The following C3 variants were observed in gnomAD, a reference collection of about 807,000 sequenced individuals.
C3 encodes the protein C3 and PZP-like alpha-2-macroglobulin domain-containing protein 1.
Under a neutral mutation model 207.9 loss-of-function variants are expected in C3, and 97 were observed. The observed-to-expected ratio is 0.47, with a 90% CI of 0.40 to 0.55. The LOEUF (loss-of-function observed/expected upper bound fraction) is 0.55, where lower values mean the gene tolerates loss of function less well. C3 is among the 20% of genes least tolerant of loss of function. The pLI is 0.00. For missense variants in C3, 1,684 were observed against 2,171.7 expected (o/e 0.78, Z 4.46); for synonymous variants, 848 against 857.6 (o/e 0.99, Z 0.20).
chr19:6,694,589 C>A lies in C3; in HGVS notation c.2996G>T (p.Arg999Leu). The A allele has an allele frequency of 6.2e-7, 1 of 1,613,808 alleles. No individual in the cohort carries two copies. Among genetic ancestry groups the A allele is most frequent in the Non-Finnish European group, 8.5e-7 (1 of 1,179,952 alleles). ...GGGGGTCACAATGAGGTGCTTCAGC[C>A]GTTCCGCGTCGACGGCATCCTCTGT... is the stretch of plus-strand genomic sequence containing the variant. Reference protein sequence around the residue: ...QMTEDAVDAERLKHLIVTPSG... With the variant: ...QMTEDAVDAELLKHLIVTPSG... Residue 999 changes from arginine to leucine, a missense_variant, in exon 24 of 41, where the codon CGG becomes CTG. Coordinates refer to ENST00000245907, the MANE Select transcript of C3 (RefSeq NM_000064.4).
In C3 at chr19:6,712,559, G is replaced by A. The variant is rs779542513; in HGVS notation, c.1068C>T (p.His356=). 3.1e-6 allele frequency: 5 copies of A among 1,614,056 alleles called. No individual in the cohort carries two copies. The highest frequency in any genetic ancestry group is 3.4e-6 in the Non-Finnish European group (4 of 1,180,020). Residue 356 remains histidine (H), a synonymous_variant, in exon 10 of 41, where the codon CAC becomes CAT. Coordinates refer to ENST00000245907, the MANE Select transcript of C3 (RefSeq NM_000064.4). ...IPIVTSPYQI[H]FTKTPKYFKP... ...TGAAGTACTTGGGTGTCTTGGTGAAGTGGATCTGGTAGGGAGAGGTCACGA... is the reference window on the plus strand; with the variant it reads ...TGAAGTACTTGGGTGTCTTGGTGAAATGGATCTGGTAGGGAGAGGTCACGA...
chr19:6,705,340 C>CTCTCTT (rs370147369), intron 17 of C3, among the ~76,000 whole-genome samples: 13 of 144,092 alleles, frequency 9.0e-5, no homozygotes, highest in African/African-American at 3.0e-4. Context: ...TTTTCTCTCT[C>CTCTCTT]TTTTTTTTTT....
At chr19:6,711,264 C>T in intron 11 of C3, 68 bp from the exon 12 acceptor site, 2 of 1,346,916 alleles carry the variant, frequency 1.5e-6, no homozygotes, top group Non-Finnish European at 2.1e-6. Context: ...TCCCTGAGAC[C>T]TGGGAATTGG....
At position 6,720,535 on chromosome 19, in the gene C3, G is replaced by A. The variant is rs1283476067; in HGVS notation, c.55C>T (p.Leu19=). ...ACTCACATGGGACTCCCCAGAGCCA[G>A]GGGGAGGTGGGTTAGTAGCAGGAGC... ...LLLLLLTHLP[L]ALGSPMYSII... is the part of the protein sequence containing the mutation. Residue 19 remains leucine (L), a synonymous_variant, in exon 1 of 41, where the codon CTG becomes TTG. Transcript: ENST00000245907. 6.3e-7 allele frequency: 1 copy of A among 1,593,222 alleles called. No individual in the cohort carries two copies. Among genetic ancestry groups the A allele is most frequent in the Admixed American group, 1.8e-5 (1 of 56,724 alleles).
At chr19:6,695,753 A>C (rs1417758668) in intron 23 of C3, among the ~76,000 whole-genome samples, 1 of 151,788 alleles carries the variant, frequency 6.6e-6, no homozygotes, top group African/African-American at 2.4e-5. Flanking sequence ...TGCTGGGATT[A>C]CAGGCTATTG....
chr19:6,679,634 C>A, intron 36 of C3, 138 bp from the exon 37 acceptor site: 1 of 722,284 alleles, frequency 1.4e-6, no homozygotes, highest in East Asian at 2.6e-5. Context: ...CCTCAGACCC[C>A]AAGACCCCCT....
intron 4 of C3, 189 bp downstream of exon 4, chr19:6,717,903 TTG>T: frequency 1.5e-6 from 1 of 676,934 alleles, no homozygotes; most frequent in Non-Finnish European, 2.7e-6. Flanking sequence ...TGTGTGTGTA[TTG>T]TGTGCTGTGT....
At chr19:6,678,055 C>G in intron 40 of C3, 32 bp from the exon 41 acceptor site, 1 of 1,613,802 alleles carries the variant, frequency 6.2e-7, no homozygotes, top group Non-Finnish European at 8.5e-7. Context: ...CAGGAAGGGG[C>G]GTGGTGTGGG....
rs375264020 is a variant in C3, at chr19:6,713,216, C to T, written c.976G>A (p.Val326Met). Residue 326 changes from valine (V) to methionine (M), a missense_variant, in exon 9 of 41, where the codon GTG becomes ATG. Val to Met is a conservative substitution (Grantham distance 21, BLOSUM62 1). Transcript: ENST00000245907. ...GAGTGCAAGATGACGGTGGCAGACACGTACAAAGACTTCCCCACCAGGTCT... is the reference window on the plus strand; with the variant it reads ...GAGTGCAAGATGACGGTGGCAGACATGTACAAAGACTTCCCCACCAGGTCT... ...AEDLVGKSLY[V>M]SATVILHSGS... 37 of 1,613,624 alleles carry T rather than the reference C, an allele frequency of 2.3e-5. No homozygotes were observed. The highest frequency in any genetic ancestry group is 3.3e-5 in the Admixed American group (2 of 59,990).
chr19:6,686,274 C>T lies in C3; in HGVS notation c.3660G>A (p.Trp1220Ter). The change falls in exon 29 of 41, where the codon TGG becomes TGA. Residue 1220 changes from tryptophan (W) to a stop codon, truncating the protein, a stop_gained. Coordinates refer to ENST00000245907, the MANE Select transcript of C3 (RefSeq NM_000064.4). LOFTEE classifies it high-confidence loss of function. ...TGTAGAGCTGCTTACCAGGGTCCTC[C>T]CAGCGGTTCTTATCTGCAAAGAAGA... is the stretch of plus-strand genomic sequence containing the variant. ...FLTTAKDKNRWEDPGKQLYNV... is the reference protein window; with the variant it reads ...FLTTAKDKNR The T allele has an allele frequency of 6.2e-7, 1 of 1,614,064 alleles. No individual in the cohort carries two copies. Among genetic ancestry groups the T allele is most frequent in the Non-Finnish European group, 8.5e-7 (1 of 1,180,032 alleles).
chr19:6,712,265 T>C lies in C3; in HGVS notation c.1261A>G (p.Ser421Gly). ...GCTGGGCCCAGACGCACCGTGATGC[T>C]CAAGGGCTTCTGGCTGGGGTGTGTG... ...INTHPSQKPL[S>G]ITVRTKKQEL... is the part of the protein sequence containing the mutation. The change falls in exon 11 of 41, where the codon AGC becomes GGC. Residue 421 changes from serine (S) to glycine (G), a missense_variant. Ser to Gly is a moderately conservative substitution (Grantham distance 56). Around this residue, in one of 3 missense-constraint regions of C3, gnomAD observed 1,280 missense variants for 1,739.1 expected, o/e 0.74. Transcript: ENST00000245907. 6.2e-7 allele frequency: 1 copy of C among 1,613,822 alleles called. No homozygotes were observed. Among genetic ancestry groups the C allele is most frequent in the Admixed American group, 1.7e-5 (1 of 60,028 alleles).
At position 6,681,977 on chromosome 19, in the gene C3, G is replaced by A. The variant is rs200878391; in HGVS notation, c.4314C>T (p.Phe1438=). The change falls in exon 35 of 41, where the codon TTC becomes TTT. Residue 1438 remains phenylalanine, a synonymous_variant. Coordinates refer to ENST00000245907, the MANE Select transcript of C3 (RefSeq NM_000064.4). The part of the protein sequence containing the change: ...YISKYELDKA[F]SDRNTLIIYL... ...AGATGATGAGGGTGTTCCTATCGGA[G>A]AAGGCTTTGTCCAGCTCATACTTGG... 4 of 1,614,132 alleles carry A rather than the reference G, an allele frequency of 2.5e-6. No homozygotes were observed. Among genetic ancestry groups the A allele is most frequent in the Admixed American group, 3.3e-5 (2 of 60,026 alleles).
intron 33 of C3, among the ~76,000 whole-genome samples, chr19:6,683,963 A>G (rs925484522): frequency 6.6e-6 from 1 of 152,208 alleles, no homozygotes; most frequent in Non-Finnish European, 1.5e-5. Context: ...GCCAGGTGTC[A>G]TGGCACACGC....
chr19:6,688,524 C>CA (rs1555684110), intron 27 of C3, among the ~76,000 whole-genome samples: 2 of 144,352 alleles, frequency 1.4e-5, no homozygotes, highest in Non-Finnish European at 3.1e-5. Context: ...TTATAGCACA[C>CA]TTTTTTTTTT....
At position 6,717,429 on chromosome 19, in the gene C3, TGTGC is replaced by T. The variant is rs1044225780; in HGVS notation, c.504+661_504+664del. ...CAGCCTGTGTGTGTGTGTGTGTGTG[TGTGC>T]GCGCCATATGGTGTATTGTGTGGTT... is the stretch of plus-strand genomic sequence containing the variant. On this transcript the variant is annotated intron_variant, in intron 4 of 40. Transcript: ENST00000245907. The T allele has an allele frequency of 1.7e-3, 286 of 170,854 alleles. 1 individual carries two copies. The highest frequency in any genetic ancestry group is 6.5e-3 in the African/African-American group (266 of 40,636). 10.6% of individuals were successfully genotyped at this position (170,854 alleles called of 1,614,324 possible).
intron 15 of C3, 58 bp downstream of exon 15, chr19:6,707,742 G>C: frequency 6.2e-7 from 1 of 1,607,706 alleles, no homozygotes; most frequent in Non-Finnish European, 8.5e-7. Context: ...TCTGCTCCCA[G>C]CATCTGGGAG....
chr19:6,697,834 G>A (rs1264332202), intron 19 of C3, 40 bp from the exon 20 acceptor site: 2 of 1,596,790 alleles, frequency 1.3e-6, no homozygotes, highest in Non-Finnish European at 1.7e-6. Flanking sequence ...TCAAGGTCGG[G>A]GAGTGGACAA....
chr19:6,693,446 A>G lies in C3; in HGVS notation c.3196T>C (p.Phe1066Leu). 2.5e-6 allele frequency: 4 copies of G among 1,612,676 alleles called. No homozygotes were observed. Among genetic ancestry groups the G allele is most frequent in the Non-Finnish European group, 3.4e-6 (4 of 1,179,594 alleles). ...QLAFRQPSSA[F>L]AAFVKRAPST... The stretch of plus-strand genomic sequence containing the variant: ...GGTGCCCGTTTCACGAAGGCCGCAA[A>G]GGCAGAGCTGGGTTGTCTGAAGGCC... The change falls in exon 25 of 41, where the codon TTT becomes CTT. Residue 1066 changes from phenylalanine (F) to leucine (L), a missense_variant. By Grantham distance (22) the Phe-to-Leu change is conservative. This residue lies in a region of C3 where 1,280 missense variants were observed against 1,739.1 expected (regional missense o/e 0.74). Transcript: ENST00000245907.
At position 6,700,675 on chromosome 19, in the gene C3, A is replaced by G. The variant is rs1260623894; in HGVS notation, c.2440+1452T>C. On this transcript the variant is annotated intron_variant, in intron 19 of 40. Transcript: ENST00000245907. ...ATAATATATGATATATTATATATGTAATATATAATATATGATATATTATAT... is the reference window on the plus strand; with the variant it reads ...ATAATATATGATATATTATATATGTGATATATAATATATGATATATTATAT... Among the ~76,000 whole-genome samples, 3 of 33,390 alleles carry G rather than the reference A, an allele frequency of 9.0e-5. 1 individual carries two copies. The highest frequency in any genetic ancestry group is 1.6e-4 in the Non-Finnish European group (3 of 19,322). The allele number at this position is 33,390 out of a possible 152,430, so 21.9% of individuals were successfully genotyped here.
Sources: allele counts gnomAD v4.1 joint callset (sites outside exome capture counted in the v4.1 genomes callset), GRCh38; gene constraint gnomAD v4.1.1; regional missense constraint gnomAD v4.1.1; transcripts MANE v1.5; gene names NCBI Gene and HGNC (gene_info 2026-07-23, HGNC 2026-07-21).